NCOA2: variants seen among roughly 807,000 people sequenced by gnomAD.
The protein encoded by NCOA2 is nuclear receptor coactivator 2, also known as class E basic helix-loop-helix protein 75.
Under a neutral mutation model 145.1 loss-of-function variants are expected in NCOA2, and 21 were observed. That is an observed-to-expected ratio of 0.14 (90% CI 0.10 to 0.21). The LOEUF is 0.21. Ranked by LOEUF, NCOA2 falls within the 10% of genes least tolerant of loss-of-function variation. The pLI, the probability that NCOA2 is intolerant of heterozygous loss-of-function variation, is 1.00. For missense variants in NCOA2, 1,472 were observed against 1,837.6 expected, an observed-to-expected ratio of 0.80 and a Z score of 3.64; for synonymous variants, 619 against 637.5, an observed-to-expected ratio of 0.97 and a Z score of 0.44.
At chr8:70,217,864 A>G (rs1469681046) in intron 2 of NCOA2, among the ~76,000 whole-genome samples, 1 of 152,040 alleles carries the variant, frequency 6.6e-6, no homozygotes, top group Admixed American at 6.6e-5. Context: ...TCTTTCCTAG[A>G]GCTCCTATTC....
the NCOA2 span, among the ~76,000 whole-genome samples, chr8:70,442,702 C>T: frequency 3.7e-3 from 564 of 152,298 alleles, 5 homozygotes; most frequent in African/African-American, 0.013. Context: ...AGGGTCTTAC[C>T]TTTCAATAGA....
rs765426055 is a variant in NCOA2, at chr8:70,166,629, T to C, written c.667A>G (p.Lys223Glu). 5 of 1,614,038 alleles carry C rather than the reference T, an allele frequency of 3.1e-6. No homozygotes were observed. The highest frequency in any genetic ancestry group is 2.2e-5 in the South Asian group (2 of 91,076). ...EGHDNQEAHQKYETMQCFAVS... is the reference protein window; with the variant it reads ...EGHDNQEAHQEYETMQCFAVS... ...GCGAAGCACTGCATAGTTTCATATT[T>C]CTGATGAGCTTCCTGGTTATCATGA... The change falls in exon 7 of 23, where the codon AAA becomes GAA. Residue 223 changes from lysine (K) to glutamate (E), a missense_variant. By Grantham distance (56) the Lys-to-Glu change is moderately conservative. Coordinates refer to ENST00000452400, the MANE Select transcript of NCOA2 (RefSeq NM_006540.4).
At chr8:70,177,182 A>T (rs997205489) in intron 4 of NCOA2, among the ~76,000 whole-genome samples, 14 of 152,174 alleles carry the variant, frequency 9.2e-5, no homozygotes, top group Non-Finnish European at 1.6e-4. Context: ...TAAACATGAG[A>T]AGACAACCTC....
At chr8:70,444,840 G>A in the NCOA2 span, among the ~76,000 whole-genome samples, 97 of 152,276 alleles carry the variant, frequency 6.4e-4, no homozygotes, top group Non-Finnish European at 1.2e-3. Flanking sequence ...GGGCACCCCA[G>A]CATTAGGTTT....
chr8:70,184,730 G>A (rs540955138), intron 4 of NCOA2, among the ~76,000 whole-genome samples: 1 of 152,280 alleles, frequency 6.6e-6, no homozygotes, highest in African/African-American at 2.4e-5. Context: ...AGGAAGGGGG[G>A]CTGGTTACTT....
chr8:70,442,402 T>C, the NCOA2 span, among the ~76,000 whole-genome samples: 3 of 152,216 alleles, frequency 2.0e-5, no homozygotes, highest in South Asian at 4.1e-4. Flanking sequence ...AGCAACATAT[T>C]TGAAACTTTA....
intron 1 of NCOA2, among the ~76,000 whole-genome samples, chr8:70,303,938 A>G (rs1040297615): frequency 8.5e-5 from 13 of 152,254 alleles, no homozygotes; most frequent in African/African-American, 3.1e-4. Context: ...CCAACACACT[A>G]TAAGTAGAAT....
In NCOA2 at chr8:70,148,259, T is replaced by C; in HGVS notation, c.2605+14A>G. 1 of 1,612,174 alleles carries C rather than the reference T, an allele frequency of 6.2e-7. No individual in the cohort carries two copies. Among genetic ancestry groups the C allele is most frequent in the Non-Finnish European group, 8.5e-7 (1 of 1,178,334 alleles). ...GGAAATTTCTTGGCATAACCAGCCATTTCTCATACTCACTGCTCTGTGAAA... is the reference window on the plus strand; with the variant it reads ...GGAAATTTCTTGGCATAACCAGCCACTTCTCATACTCACTGCTCTGTGAAA... On this transcript the variant is annotated intron_variant, in intron 12 of 22. Transcript: ENST00000452400.
intron 8 of NCOA2, among the ~76,000 whole-genome samples, chr8:70,163,133 T>C (rs138501018): frequency 9.9e-5 from 15 of 152,272 alleles, no homozygotes; most frequent in African/African-American, 3.6e-4. Flanking sequence ...CAGGCTGGCT[T>C]TGAACTCCTG....
chr8:70,384,890 T>C (rs1012696650), intron 1 of NCOA2, among the ~76,000 whole-genome samples: 5 of 152,186 alleles, frequency 3.3e-5, no homozygotes, highest in Admixed American at 2.6e-4. Context: ...TTGAGAACCA[T>C]TGAATCAGAC....
intron 15 of NCOA2, among the ~76,000 whole-genome samples, chr8:70,136,016 G>C (rs1809682692): frequency 6.6e-6 from 1 of 152,170 alleles, no homozygotes; most frequent in South Asian, 2.1e-4. Flanking sequence ...TGAATGATGA[G>C]AAATAGTCAA....
intron 2 of NCOA2, among the ~76,000 whole-genome samples, chr8:70,254,359 C>T (rs1432709881): frequency 6.6e-6 from 1 of 152,308 alleles, no homozygotes; most frequent in East Asian, 1.9e-4. Context: ...CCTGCAATTC[C>T]ACTTCTGGGT....
intron 22 of NCOA2, among the ~76,000 whole-genome samples, chr8:70,115,501 G>T (rs1374063740): frequency 6.6e-6 from 1 of 152,208 alleles, no homozygotes. Flanking sequence ...TAGGATGGTT[G>T]TAAGGATTAA....
chr8:70,237,968 G>C (rs1586209863), intron 2 of NCOA2, among the ~76,000 whole-genome samples: 1 of 152,206 alleles, frequency 6.6e-6, no homozygotes, highest in Non-Finnish European at 1.5e-5. Context: ...TTAGGTGATT[G>C]CAATTTAATA....
intron 1 of NCOA2, among the ~76,000 whole-genome samples, chr8:70,388,430 A>T (rs1812866291): frequency 6.6e-6 from 1 of 152,298 alleles, no homozygotes; most frequent in East Asian, 1.9e-4. Flanking sequence ...CAAACACTAC[A>T]GCAGCTCTGA....
chr8:70,209,032 G>A (rs1478777041), intron 4 of NCOA2, among the ~76,000 whole-genome samples: 1 of 152,196 alleles, frequency 6.6e-6, no homozygotes, highest in Non-Finnish European at 1.5e-5. Flanking sequence ...TTCTGGAAAG[G>A]AATCACCATT....
Position 70,110,603 on chromosome 8 carries a change from G to C in NCOA2, c.*3029C>G. ...ATTTCAAAACTGATTGTGTATCTTT[G>C]GGTTCTGCAAGTGGATCTGTGCCAC... On this transcript the variant is annotated 3_prime_UTR_variant, in exon 23 of 23. Transcript: ENST00000452400. 1 of 209,392 alleles carries C rather than the reference G, an allele frequency of 4.8e-6. No individual in the cohort carries two copies. The highest frequency in any genetic ancestry group is 9.7e-6 in the Non-Finnish European group (1 of 102,932). The allele number at this position is 209,392 out of a possible 1,614,324, so 13.0% of individuals were successfully genotyped here. A position where few individuals can be genotyped will look rare whatever the true frequency, so the allele number is the denominator to read the frequency against.
At chr8:70,302,818 T>TA (rs531248916) in intron 1 of NCOA2, among the ~76,000 whole-genome samples, 1 of 151,892 alleles carries the variant, frequency 6.6e-6, no homozygotes, top group African/African-American at 2.4e-5. Flanking sequence ...TCACTAAATG[T>TA]AAAAAAAATT....
In NCOA2 at chr8:70,213,893, G is replaced by A. The variant is rs780332427; in HGVS notation, c.259+10C>T. 6.4e-7 allele frequency: 1 copy of A among 1,567,124 alleles called. No individual in the cohort carries two copies. The highest frequency in any genetic ancestry group is 1.4e-5 in the African/African-American group (1 of 73,150). ...TTCAACTCTTCAAAATACTAATTCA[G>A]TCCTCTTACCTTGTTCTTTGATCTG... On this transcript the variant is annotated intron_variant, in intron 4 of 22. Coordinates refer to ENST00000452400, the MANE Select transcript of NCOA2 (RefSeq NM_006540.4).
Sources: allele counts gnomAD v4.1 joint callset (sites outside exome capture counted in the v4.1 genomes callset), GRCh38; gene constraint gnomAD v4.1.1; transcripts MANE v1.5; gene names NCBI Gene and HGNC (gene_info 2026-07-23, HGNC 2026-07-21).